ZNF91: variants seen among roughly 807,000 people sequenced by gnomAD.
ZNF91 encodes zinc finger protein 91 (HPF7, HTF10).
Under a neutral mutation model 12.6 loss-of-function variants are expected in ZNF91, and 7 were observed. That is an observed-to-expected ratio of 0.55 (90% CI 0.31 to 1.04). The LOEUF is 1.04. ZNF91 is among the 50% of genes least tolerant of loss of function. The probability of loss-of-function intolerance (pLI) is 0.05; values close to 1 mark genes in which losing one functional copy is unlikely to be tolerated. For synonymous variants in ZNF91, 453 were observed against 462.6 expected (o/e 0.98, Z 0.27); for missense variants, 1,217 against 1,385.4 (o/e 0.88, Z 1.93).
upstream of ZNF91, among the ~76,000 whole-genome samples, chr19:23,314,690 T>C (rs2145847565): frequency 6.6e-6 from 1 of 152,300 alleles, no homozygotes; most frequent in South Asian, 2.1e-4. Context: ...GTTTACATAT[T>C]TTTGGAACCC....
chr19:23,323,203 T>C lies in ZNF91; in HGVS notation n.117-14106A>G, dbSNP rs537382570. On this transcript the variant is annotated intron_variant and non_coding_transcript_variant, in intron 1 of 1. Transcript: ENST00000596528. ...CCTCCTTCTCCTATCCACATTCTCC[T>C]CTTCCTCTTACTTTTCCTTTCTCTC... 2.7e-5 allele frequency among the ~76,000 whole-genome samples: 4 copies of C among 148,782 alleles called. No individual in the cohort carries two copies. The East Asian group carries it at 8.2e-4, about 30-fold the overall frequency.
chr19:23,317,126 A>G (rs1967580146), intron 1 of ZNF91, among the ~76,000 whole-genome samples: 1 of 151,874 alleles, frequency 6.6e-6, no homozygotes. Context: ...GCTCACTGCA[A>G]GCTCCGCCTC....
At chr19:23,308,207 C>T (rs1967423425) in intron 2 of ZNF91, 1 of 152,110 alleles carries the variant, frequency 6.6e-6, no homozygotes, top group Non-Finnish European at 1.5e-5. Flanking sequence ...CTGGACCCTG[C>T]CCACAGAAGA....
Position 23,359,668 on chromosome 19 carries a change from T to C in ZNF91, c.3311A>G (p.Lys1104Arg). The C allele has an allele frequency of 6.2e-7, 1 of 1,614,112 alleles. No homozygotes were observed. Among genetic ancestry groups the C allele is most frequent in the Non-Finnish European group, 8.5e-7 (1 of 1,179,998 alleles). Residue 1104 changes from lysine to arginine, a missense_variant, in exon 4 of 4, where the codon AAA becomes AGA. By Grantham distance (26) the Lys-to-Arg change is conservative. Around this residue, in one of 2 missense-constraint regions of ZNF91, gnomAD observed 491 missense variants for 489.8 expected, o/e 1.00. Coordinates refer to ENST00000300619, the MANE Select transcript of ZNF91 (RefSeq NM_003430.4). Reference sequence around the variant, plus strand: ...GCCACATTCTCCACATTTGTAGGGTTTCTCTCCGGTGTGCAACCTCTTATG... The same window carrying C: ...GCCACATTCTCCACATTTGTAGGGTCTCTCTCCGGTGTGCAACCTCTTATG... The part of the protein sequence containing the change: ...TRHKRLHTGE[K>R]PYKCGECGKA...
rs1393646428 is a variant in ZNF91 at position 23,360,413 on chromosome 19, A to G, written c.2566T>C (p.Cys856Arg). Residue 856 changes from cysteine to arginine, a missense_variant, in exon 4 of 4, where the codon TGT becomes CGT. By Grantham distance (180) the Cys-to-Arg change is radical. Coordinates refer to ENST00000300619, the MANE Select transcript of ZNF91 (RefSeq NM_003430.4). ...TTAAAAGCTTTGCCACATTCCTCAC[A>G]TTTGTAGAGTTTCTCTCCAGCATGT... is the stretch of plus-strand genomic sequence containing the variant. ...IIHAGEKLYK[C>R]EECGKAFNQS... The G allele has an allele frequency of 6.2e-7, 1 of 1,614,074 alleles. No homozygotes were observed. The highest frequency in any genetic ancestry group is 8.5e-7 in the Non-Finnish European group (1 of 1,180,014).
chr19:23,392,288 TG>T (rs991595122), intron 1 of ZNF91, among the ~76,000 whole-genome samples: 13 of 147,330 alleles, frequency 8.8e-5, no homozygotes, highest in Non-Finnish European at 1.6e-4. Context: ...CCCAGCTATT[TG>T]GGAGGCTGAG....
chr19:23,311,027 G>T (rs148032611), upstream of ZNF91, among the ~76,000 whole-genome samples: 1,567 of 152,304 alleles, frequency 0.01, 24 homozygotes, highest in Middle Eastern at 0.041. Context: ...ACCACAGAAA[G>T]AATTTTGACA....
chr19:23,387,460 T>C (rs1245159955), intron 1 of ZNF91, among the ~76,000 whole-genome samples: 1 of 152,238 alleles, frequency 6.6e-6, no homozygotes, highest in Non-Finnish European at 1.5e-5. Context: ...CTCATGCCTG[T>C]AATCCCAGCA....
rs750655045 is a variant in ZNF91, at chr19:23,360,536, T to C, written c.2443A>G (p.Lys815Glu). 27 of 1,613,876 alleles carry C rather than the reference T, an allele frequency of 1.7e-5. No homozygotes were observed. The highest frequency in any genetic ancestry group is 2.3e-5 in the Non-Finnish European group (27 of 1,179,944). Residue 815 changes from lysine to glutamate, a missense_variant, in exon 4 of 4, where the codon AAG becomes GAG. By Grantham distance (56) the Lys-to-Glu change is moderately conservative. This residue lies in a region of ZNF91 where 491 missense variants were observed against 489.8 expected (regional missense o/e 1.00). Coordinates refer to ENST00000300619, the MANE Select transcript of ZNF91 (RefSeq NM_003430.4). ...KAFSRSSTLT[K>E]HKTIHTGEKP... is the part of the protein sequence containing the mutation. ...TCTCCAGTATGAATTGTCTTATGCT[T>C]AGTAAGGGTTGAGGAACGGCTAAAA...
intron 1 of ZNF91, among the ~76,000 whole-genome samples, chr19:23,331,402 T>C (rs376222569): frequency 2.6e-5 from 4 of 152,212 alleles, no homozygotes; most frequent in Admixed American, 6.5e-5. Context: ...GCGATGTGTC[T>C]TAGGGTTGTC....
intron 1 of ZNF91, chr19:23,327,421 G>A (rs1967857595): frequency 1.3e-5 from 2 of 152,052 alleles, no homozygotes; most frequent in Admixed American, 1.3e-4. Context: ...TCTGAAACAC[G>A]AGGTGAAACA....
chr19:23,367,528 C>T (rs903996939), intron 3 of ZNF91, among the ~76,000 whole-genome samples: 3 of 152,064 alleles, frequency 2.0e-5, no homozygotes, highest in Admixed American at 2.0e-4. Flanking sequence ...TATAAAAATC[C>T]CAACAGTAGT....
Position 23,318,264 on chromosome 19 carries a change from A to C in ZNF91, n.117-9167T>G, listed in dbSNP as rs533301530. ...ACTGGGTCCAAAACTCAGATGATAT[A>C]ACTCTCCTGCCTGGTCCCTGCCTAC... is the stretch of plus-strand genomic sequence containing the variant. On this transcript the variant is annotated intron_variant and non_coding_transcript_variant, in intron 1 of 1. Transcript: ENST00000596528. Among the ~76,000 whole-genome samples the C allele has an allele frequency of 6.6e-4, 100 of 151,998 alleles. 1 individual carries two copies. The highest frequency in any genetic ancestry group is 2.3e-3 in the African/African-American group (94 of 41,452).
intron 1 of ZNF91, among the ~76,000 whole-genome samples, chr19:23,329,260 C>T (rs1967887325): frequency 6.6e-6 from 1 of 152,116 alleles, no homozygotes; most frequent in Admixed American, 6.6e-5. Context: ...TTTAGTGATG[C>T]TTTATCTGTT....
rs145001733 is a variant in ZNF91 at position 23,326,161 on chromosome 19, G to A, written n.117-17064C>T. 5.9e-5 allele frequency: 9 copies of A among 152,066 alleles called. No homozygotes were observed. In the East Asian group the frequency reaches 1.7e-3, roughly 29 times the overall value. 9.4% of individuals were successfully genotyped at this position (152,066 alleles called of 1,614,324 possible). A position where few individuals can be genotyped will look rare whatever the true frequency, so the allele number is the denominator to read the frequency against. ...CCATCTCAAATACTACCTTTTCTAG[G>A]GAAAATTAGGCCTTCTGTTCCTAAT... is the stretch of plus-strand genomic sequence containing the variant. On this transcript the variant is annotated intron_variant and non_coding_transcript_variant, in intron 1 of 1. Transcript: ENST00000596528.
At chr19:23,314,078 A>G (rs577386487), upstream of ZNF91, among the ~76,000 whole-genome samples, 15 of 152,258 alleles carry the variant, frequency 9.9e-5, no homozygotes, top group African/African-American at 3.1e-4. Context: ...TGGAATTGTG[A>G]CATATATTCC....
chr19:23,361,232 A>C lies in ZNF91; in HGVS notation c.1747T>G (p.Phe583Val). Residue 583 changes from phenylalanine to valine, a missense_variant, in exon 4 of 4, where the codon TTT becomes GTT. Physicochemically the swap from Phe to Val is conservative, Grantham distance 50. Transcript: ENST00000300619. ...LYKCEECGKA[F>V]NHSSSLSTHK... Reference sequence around the variant, plus strand: ...GTAGAAAGACTTGAGGAATGATTAAAAGCTTTGCCACATTCTTCACATTTG... The same window carrying C: ...GTAGAAAGACTTGAGGAATGATTAACAGCTTTGCCACATTCTTCACATTTG... The C allele has an allele frequency of 1.2e-6, 2 of 1,613,544 alleles. No homozygotes were observed. The highest frequency in any genetic ancestry group is 1.7e-6 in the Non-Finnish European group (2 of 1,179,808).
intron 1 of ZNF91, among the ~76,000 whole-genome samples, chr19:23,377,189 C>T (rs987721198): frequency 4.6e-5 from 7 of 152,040 alleles, no homozygotes; most frequent in Admixed American, 4.6e-4. Context: ...CCAAATAGAA[C>T]AGGTTCCTGG....
intron 3 of ZNF91, among the ~76,000 whole-genome samples, chr19:23,350,459 C>T (rs754925492): frequency 6.6e-6 from 1 of 152,166 alleles, no homozygotes; most frequent in Admixed American, 6.5e-5. Context: ...CATGCTCCTG[C>T]TACAATGACA....
Sources: allele counts gnomAD v4.1 joint callset (sites outside exome capture counted in the v4.1 genomes callset), GRCh38; gene constraint gnomAD v4.1.1; regional missense constraint gnomAD v4.1.1; transcripts MANE v1.5; gene names NCBI Gene and HGNC (gene_info 2026-07-23, HGNC 2026-07-21).